FSHR: variants seen among roughly 807,000 people sequenced by gnomAD.
The protein encoded by FSHR is follicle stimulating hormone receptor, also known as follicle-stimulating hormone receptor.
FSHR carries 46 observed loss-of-function variants against 52.1 expected under a neutral mutation model. The ratio of observed to expected loss-of-function variants is 0.88; its 90% CI spans 0.70 to 1.13. The LOEUF (loss-of-function observed/expected upper bound fraction) is 1.13. Ranked by LOEUF, FSHR falls within the 50% of genes most tolerant of loss-of-function variation. The pLI is 0.00. For missense variants in FSHR, 964 were observed against 834.6 expected, an observed-to-expected ratio of 1.16 and a Z score of -1.91; for synonymous variants, 399 against 309.6, an observed-to-expected ratio of 1.29 and a Z score of -3.03.
At chr2:48,990,771 G>C (rs1029217213) in intron 4 of FSHR, 134 bp from the exon 5 acceptor site, 1 of 696,276 alleles carries the variant, frequency 1.4e-6, no homozygotes, top group African/African-American at 1.8e-5. Context: ...CCGTATATAC[G>C]TGAATTAGGC....
At chr2:49,036,378 C>T (rs1211621510) in intron 2 of FSHR, among the ~76,000 whole-genome samples, 2 of 151,850 alleles carry the variant, frequency 1.3e-5, no homozygotes, top group Admixed American at 6.6e-5. Context: ...TTACTCTCCA[C>T]TTAAACATTG....
chr2:49,008,417 A>T (rs567910973), intron 4 of FSHR, among the ~76,000 whole-genome samples: 34 of 150,750 alleles, frequency 2.3e-4, no homozygotes, highest in African/African-American at 7.8e-4. Context: ...TTCTTAATCC[A>T]GTCTATCATT....
intron 2 of FSHR, among the ~76,000 whole-genome samples, chr2:49,021,709 T>C (rs968745244): frequency 1.3e-5 from 2 of 151,474 alleles, no homozygotes; most frequent in East Asian, 3.9e-4. Context: ...CCCCCATGAA[T>C]GAGGAGACAT....
intron 1 of FSHR, among the ~76,000 whole-genome samples, chr2:49,115,383 A>T (rs891248545): frequency 9.2e-5 from 14 of 152,136 alleles, no homozygotes; most frequent in African/African-American, 3.4e-4. Flanking sequence ...TATGGAGCAG[A>T]CACTATTCTA....
intron 4 of FSHR, among the ~76,000 whole-genome samples, chr2:49,001,918 A>T (rs1011554833): frequency 2.0e-5 from 3 of 152,126 alleles, no homozygotes; most frequent in African/African-American, 4.8e-5. Context: ...GGAAAAATGC[A>T]TACCTCACTG....
At chr2:48,983,423 C>G (rs893967947) in intron 6 of FSHR, among the ~76,000 whole-genome samples, 3 of 152,180 alleles carry the variant, frequency 2.0e-5, no homozygotes, top group South Asian at 2.1e-4. Flanking sequence ...GAAAGGCATA[C>G]TTAGGCAGAG....
At chr2:49,073,792 T>C (rs1236803230) in intron 1 of FSHR, among the ~76,000 whole-genome samples, 1 of 152,024 alleles carries the variant, frequency 6.6e-6, no homozygotes, top group Non-Finnish European at 1.5e-5. Context: ...CAAAATATAC[T>C]ACAAAGCTAT....
chr2:49,061,487 A>G (rs1051862348), intron 2 of FSHR, among the ~76,000 whole-genome samples: 3 of 149,076 alleles, frequency 2.0e-5, no homozygotes, highest in Non-Finnish European at 3.0e-5. Flanking sequence ...TGATAAAGGG[A>G]TCAATTCAGG....
At chr2:49,003,106 G>A (rs919154965) in intron 4 of FSHR, among the ~76,000 whole-genome samples, 5 of 152,156 alleles carry the variant, frequency 3.3e-5, no homozygotes, top group Admixed American at 6.5e-5. Context: ...GGGTGAGCTC[G>A]TGATTAAACC....
chr2:49,075,812 G>GT (rs34641522), intron 1 of FSHR, among the ~76,000 whole-genome samples: 33,463 of 151,582 alleles, frequency 0.22, 3,795 homozygotes, highest in East Asian at 0.29. Flanking sequence ...TTTTGTTTGG[G>GT]TTTTTTTGGG....
At chr2:49,090,828 T>G (rs183674856) in intron 1 of FSHR, among the ~76,000 whole-genome samples, 58 of 152,284 alleles carry the variant, frequency 3.8e-4, no homozygotes, top group Admixed American at 6.5e-5. Flanking sequence ...TTTATCACAC[T>G]GTGGTTTTAA....
intron 1 of FSHR, among the ~76,000 whole-genome samples, chr2:49,134,012 G>T (rs1259924992): frequency 3.3e-5 from 5 of 152,160 alleles, no homozygotes; most frequent in Non-Finnish European, 7.3e-5. Context: ...GCATGGGCAA[G>T]GGCTTCATGA....
At chr2:49,017,230 G>A (rs1667520251) in intron 4 of FSHR, among the ~76,000 whole-genome samples, 1 of 152,136 alleles carries the variant, frequency 6.6e-6, no homozygotes, top group Non-Finnish European at 1.5e-5. Flanking sequence ...TCTGTACGAG[G>A]TCCATGTGAC....
intron 9 of FSHR, among the ~76,000 whole-genome samples, chr2:48,966,345 A>G (rs1212398763): frequency 6.6e-6 from 1 of 152,238 alleles, no homozygotes; most frequent in Non-Finnish European, 1.5e-5. Flanking sequence ...TGAGTTGTGA[A>G]GAAACACAAT....
chr2:49,033,594 C>G (rs1668177168), intron 2 of FSHR, among the ~76,000 whole-genome samples: 1 of 152,118 alleles, frequency 6.6e-6, no homozygotes, highest in Non-Finnish European at 1.5e-5. Flanking sequence ...GCTGCCTGCA[C>G]TGGGGGCTGT....
At chr2:49,061,087 A>G (rs1407521203) in intron 2 of FSHR, among the ~76,000 whole-genome samples, 1 of 152,098 alleles carries the variant, frequency 6.6e-6, no homozygotes, top group Non-Finnish European at 1.5e-5. Context: ...CCTCAGGGGC[A>G]TAATCACCAC....
intron 1 of FSHR, among the ~76,000 whole-genome samples, chr2:49,086,559 G>A (rs141653531): frequency 1.6e-4 from 24 of 152,254 alleles, no homozygotes; most frequent in African/African-American, 5.1e-4. Flanking sequence ...AATCACCTGC[G>A]GAAGATTTTT....
chr2:49,018,023 A>G (rs1667551690), intron 3 of FSHR, among the ~76,000 whole-genome samples: 1 of 152,172 alleles, frequency 6.6e-6, no homozygotes, highest in Admixed American at 6.5e-5. Context: ...AATGGAAAAG[A>G]GGTGAAAAGA....
intron 1 of FSHR, among the ~76,000 whole-genome samples, chr2:49,075,811 G>C (rs932426109): frequency 4.9e-5 from 7 of 142,258 alleles, no homozygotes; most frequent in African/African-American, 1.8e-4. Flanking sequence ...TTTTTGTTTG[G>C]GTTTTTTTGG....
Sources: allele counts gnomAD v4.1 joint callset (sites outside exome capture counted in the v4.1 genomes callset), GRCh38; gene constraint gnomAD v4.1.1; transcripts MANE v1.5; gene names NCBI Gene and HGNC (gene_info 2026-07-23, HGNC 2026-07-21).